The following PHF24 variants were observed in gnomAD, a reference collection of about 807,000 sequenced individuals.
PHF24 encodes Galpha inhibitory interacting protein.
PHF24 carries 25 observed loss-of-function variants against 42.6 expected under a neutral mutation model. That is an observed-to-expected ratio of 0.59 (90% CI 0.43 to 0.82). PHF24 has a LOEUF of 0.82. Ranked by LOEUF, PHF24 falls within the 40% of genes least tolerant of loss-of-function variation. The probability of loss-of-function intolerance (pLI) is 0.00; values close to 1 mark genes in which losing one functional copy is unlikely to be tolerated. For synonymous variants in PHF24, 185 were observed against 204.8 expected, an observed-to-expected ratio of 0.90 and a Z score of 0.83; for missense variants, 470 against 538.1, an observed-to-expected ratio of 0.87 and a Z score of 1.25.
At chr9:34,851,694 C>T in the PHF24 span, among the ~76,000 whole-genome samples, 2 of 152,198 alleles carry the variant, frequency 1.3e-5, no homozygotes, top group South Asian at 2.1e-4. Context: ...TCTTCTGCAT[C>T]GCTCACGCTG....
the PHF24 span, among the ~76,000 whole-genome samples, chr9:34,867,333 T>G: frequency 2.6e-5 from 4 of 152,238 alleles, no homozygotes; most frequent in Non-Finnish European, 4.4e-5. Context: ...CTTGTTTGCT[T>G]CTTTTATAAA....
the PHF24 span, among the ~76,000 whole-genome samples, chr9:34,795,104 G>C: frequency 2.6e-5 from 4 of 151,972 alleles, no homozygotes; most frequent in Non-Finnish European, 4.4e-5. Flanking sequence ...CATTCATATA[G>C]GGCAACAAGA....
the PHF24 span, among the ~76,000 whole-genome samples, chr9:34,716,253 G>A: frequency 6.6e-6 from 1 of 152,232 alleles, no homozygotes. Context: ...TCTACCAAGG[G>A]TTAGGGTTAG....
chr9:34,690,420 A>G, the PHF24 span: 1 of 1,117,344 alleles, frequency 8.9e-7, no homozygotes, highest in South Asian at 1.4e-5. Context: ...CGGATTGAGG[A>G]CACCTGTGTG....
the PHF24 span, among the ~76,000 whole-genome samples, chr9:34,857,132 C>T: frequency 7.2e-5 from 11 of 152,140 alleles, no homozygotes; most frequent in South Asian, 2.1e-4. Flanking sequence ...ACAGAGATGG[C>T]GGCCACTCTT....
the PHF24 span, chr9:34,835,871 G>A: frequency 9.1e-7 from 1 of 1,103,204 alleles, no homozygotes; most frequent in Non-Finnish European, 1.4e-6. Context: ...ACACTAGACA[G>A]AGACAAGATC....
the PHF24 span, among the ~76,000 whole-genome samples, chr9:34,688,637 G>A: frequency 5.3e-5 from 8 of 152,090 alleles, no homozygotes; most frequent in African/African-American, 1.7e-4. Flanking sequence ...TCTGTCTGTC[G>A]GTGTCCCTGA....
chr9:34,919,704 A>T, the PHF24 span, among the ~76,000 whole-genome samples: 1 of 152,036 alleles, frequency 6.6e-6, no homozygotes. Flanking sequence ...ACACACACAC[A>T]CACACATCCC....
chr9:34,843,734 T>C, the PHF24 span, among the ~76,000 whole-genome samples: 2 of 152,106 alleles, frequency 1.3e-5, no homozygotes, highest in Non-Finnish European at 2.9e-5. Flanking sequence ...TTTTATTTAA[T>C]TTTTTAATTT....
chr9:34,784,098 C>A, the PHF24 span, among the ~76,000 whole-genome samples: 1 of 152,186 alleles, frequency 6.6e-6, no homozygotes, highest in African/African-American at 2.4e-5. Context: ...TAGGTAATCT[C>A]CCTGCATGGC....
the PHF24 span, chr9:34,835,163 A>G: frequency 1.3e-6 from 2 of 1,549,164 alleles, no homozygotes; most frequent in Non-Finnish European, 1.7e-6. Flanking sequence ...TTCTGGGTTC[A>G]TTGTGGACCA....
chr9:34,754,575 G>A, the PHF24 span, among the ~76,000 whole-genome samples: 4 of 152,088 alleles, frequency 2.6e-5, no homozygotes, highest in African/African-American at 9.7e-5. Flanking sequence ...GCAAGGATGT[G>A]GAGAAAAAGG....
the PHF24 span, among the ~76,000 whole-genome samples, chr9:34,947,129 C>T: frequency 6.6e-6 from 1 of 152,226 alleles, no homozygotes; most frequent in Non-Finnish European, 1.5e-5. Context: ...TCGGACCTAG[C>T]CAATTATAGA....
the PHF24 span, among the ~76,000 whole-genome samples, chr9:34,768,181 A>G: frequency 1.3e-5 from 2 of 152,300 alleles, no homozygotes; most frequent in East Asian, 1.9e-4. Flanking sequence ...TAGACTCTGC[A>G]CTCCCAGAGC....
At chr9:34,755,569 G>A in the PHF24 span, among the ~76,000 whole-genome samples, 1 of 151,646 alleles carries the variant, frequency 6.6e-6, no homozygotes, top group Admixed American at 6.6e-5. Flanking sequence ...ATTTTTAATT[G>A]GATTGTTGTT....
At chr9:34,728,495 C>T in the PHF24 span, 6 of 979,644 alleles carry the variant, frequency 6.1e-6, no homozygotes, top group Non-Finnish European at 9.2e-6. Context: ...GTCTGGGGAA[C>T]TGGAGTCTTC....
At chr9:34,765,822 T>A in the PHF24 span, among the ~76,000 whole-genome samples, 1 of 152,186 alleles carries the variant, frequency 6.6e-6, no homozygotes, top group South Asian at 2.1e-4. Flanking sequence ...TTGGCATGAT[T>A]TTGCAGTGGC....
the PHF24 span, chr9:34,923,042 T>C: frequency 7.2e-6 from 3 of 415,246 alleles, no homozygotes; most frequent in East Asian, 1.0e-4. Flanking sequence ...TTTTAAGTTT[T>C]GTTTTTGTTT....
At chr9:34,953,632 ACT>A (rs1826307862), upstream of PHF24, among the ~76,000 whole-genome samples, 1 of 151,362 alleles carries the variant, frequency 6.6e-6, no homozygotes, top group Non-Finnish European at 1.5e-5. This position sits in a 1 kb window ranked among gnomAD's most constrained non-coding sequence, Gnocchi z 4.1. Flanking sequence ...CAGTTTGGTG[ACT>A]CTATTTCAAC....
Sources: gnomAD v4.1 joint callset for allele counts (sites outside exome capture counted in the v4.1 genomes callset) on GRCh38, gnomAD v4.1.1 for gene constraint, Gnocchi (gnomAD v3.1) non-coding constraint, MANE v1.5 for transcripts, NCBI Gene and HGNC (gene_info 2026-07-23, HGNC 2026-07-21) for gene names.